ADCK1: variants seen among roughly 807,000 people sequenced by gnomAD.
ADCK1 encodes aarF domain-containing protein kinase 1.
In ADCK1, 41 loss-of-function variants were observed where a neutral mutation model predicts 52.3. The observed-to-expected ratio is 0.78, with a 90% confidence interval of 0.61 to 1.02. ADCK1 has a LOEUF of 1.02. Ranked by LOEUF, ADCK1 falls within the 50% of genes least tolerant of loss-of-function variation. The probability of loss-of-function intolerance (pLI) is 0.00; values close to 1 mark genes in which losing one functional copy is unlikely to be tolerated. For synonymous variants in ADCK1, 250 were observed against 274.6 expected (o/e 0.91, Z 0.89); for missense variants, 658 against 679.5 (o/e 0.97, Z 0.35).
chr14:77,883,949 C>A (rs2140198907), intron 4 of ADCK1, among the ~76,000 whole-genome samples: 1 of 152,156 alleles, frequency 6.6e-6, no homozygotes, highest in East Asian at 1.9e-4. Flanking sequence ...ATGTGGTGGA[C>A]CAGGCTTCCT....
At chr14:77,913,825 C>T (rs4533193) in intron 7 of ADCK1, among the ~76,000 whole-genome samples, 23,673 of 151,960 alleles carry the variant, frequency 0.16, 2,198 homozygotes, top group African/African-American at 0.24. Context: ...AGAAGGGACA[C>T]CAGCCTGGCT....
chr14:77,819,860 C>T (rs1013817792), intron 2 of ADCK1, among the ~76,000 whole-genome samples: 1 of 152,304 alleles, frequency 6.6e-6, no homozygotes, highest in Middle Eastern at 3.4e-3. Flanking sequence ...ATCTGATGCA[C>T]AGTCTATTGT....
chr14:77,846,994 T>A (rs900515169), intron 3 of ADCK1, among the ~76,000 whole-genome samples: 1 of 152,076 alleles, frequency 6.6e-6, no homozygotes, highest in Non-Finnish European at 1.5e-5. Flanking sequence ...GGCAGTAACA[T>A]CACTTGTGAG....
chr14:77,899,537 A>G (rs936288044), intron 6 of ADCK1, among the ~76,000 whole-genome samples: 2 of 152,232 alleles, frequency 1.3e-5, no homozygotes, highest in African/African-American at 4.8e-5. Context: ...CCAAGAACCT[A>G]TATGCCGTGG....
At chr14:77,857,628 A>G (rs773851788) in intron 3 of ADCK1, among the ~76,000 whole-genome samples, 3 of 152,220 alleles carry the variant, frequency 2.0e-5, no homozygotes, top group Admixed American at 1.3e-4. Context: ...AAAAACGAAA[A>G]CAAAAAAACT....
chr14:77,824,768 C>T (rs1370448837), intron 3 of ADCK1, among the ~76,000 whole-genome samples: 1 of 152,116 alleles, frequency 6.6e-6, no homozygotes, highest in Admixed American at 6.6e-5. Context: ...TTGTTCAAAT[C>T]TGGATCAAAA....
chr14:77,855,554 C>T (rs1223452612), intron 3 of ADCK1, among the ~76,000 whole-genome samples: 1 of 152,176 alleles, frequency 6.6e-6, no homozygotes, highest in Non-Finnish European at 1.5e-5. Flanking sequence ...CAAACTGCAA[C>T]TTGTTTTTTC....
At chr14:77,895,793 G>A (rs2083396538) in intron 5 of ADCK1, among the ~76,000 whole-genome samples, 1 of 152,098 alleles carries the variant, frequency 6.6e-6, no homozygotes, top group Non-Finnish European at 1.5e-5. Context: ...TGAATTTCAA[G>A]GGGTTGGTGA....
intron 5 of ADCK1, among the ~76,000 whole-genome samples, chr14:77,888,409 G>A (rs1174278291): frequency 6.6e-6 from 1 of 152,182 alleles, no homozygotes; most frequent in Admixed American, 6.5e-5. Context: ...GTGGATCTGA[G>A]CAGATCTGAT....
chr14:77,897,183 T>C (rs2083429129), intron 5 of ADCK1, among the ~76,000 whole-genome samples: 1 of 152,224 alleles, frequency 6.6e-6, no homozygotes, highest in African/African-American at 2.4e-5. Context: ...TAGAGATGGT[T>C]GTTCTCAGAT....
intron 1 of ADCK1, among the ~76,000 whole-genome samples, chr14:77,816,799 T>TG (rs1336242959): frequency 6.7e-6 from 1 of 149,216 alleles, no homozygotes; most frequent in African/African-American, 2.5e-5. Context: ...ACTGATGTTG[T>TG]GGGGGGAAGT....
At chr14:77,827,162 G>C (rs999026578) in intron 3 of ADCK1, among the ~76,000 whole-genome samples, 2 of 147,888 alleles carry the variant, frequency 1.4e-5, no homozygotes, top group Non-Finnish European at 3.0e-5. Context: ...GACCATCCTG[G>C]CCAACATGGT....
rs1323668757 is a variant in ADCK1 at position 77,924,469 on chromosome 14, C to G, written c.871C>G (p.Leu291Val). ...KIDVNEISRH[L>V]GKMYSEMIFV... ...TCTTCTCTTTCAGATCTCACGCCAC[C>G]TGGGCAAGATGTATAGTGAGATGAT... Residue 291 changes from leucine (L) to valine (V), a missense_variant, in exon 8 of 11, where the codon CTG becomes GTG. Physicochemically the swap from Leu to Val is conservative, Grantham distance 32 (BLOSUM62 1). Transcript: ENST00000238561. 6.2e-7 allele frequency: 1 copy of G among 1,614,074 alleles called. No homozygotes were observed. Among genetic ancestry groups the G allele is most frequent in the East Asian group, 2.2e-5 (1 of 44,880 alleles).
At chr14:77,830,982 C>A (rs1483142127) in intron 3 of ADCK1, among the ~76,000 whole-genome samples, 2 of 152,126 alleles carry the variant, frequency 1.3e-5, no homozygotes, top group East Asian at 1.9e-4. Flanking sequence ...AGATGCAGGA[C>A]CCTGCCAGGT....
chr14:77,865,188 C>T (rs2082637383), intron 4 of ADCK1, among the ~76,000 whole-genome samples: 1 of 151,676 alleles, frequency 6.6e-6, no homozygotes, highest in South Asian at 2.1e-4. Context: ...CCTAAAAATA[C>T]CCTCACACAG....
At chr14:77,854,874 T>C (rs777738316) in intron 3 of ADCK1, among the ~76,000 whole-genome samples, 3 of 152,186 alleles carry the variant, frequency 2.0e-5, no homozygotes, top group Admixed American at 6.5e-5. Flanking sequence ...GCTTTTCATA[T>C]GCAAATCAAC....
Position 77,858,994 on chromosome 14 carries a change from G to A in ADCK1, c.220-82G>A, listed in dbSNP as rs2082483753. 3.0e-6 allele frequency: 4 copies of A among 1,339,918 alleles called. No homozygotes were observed. In the East Asian group the frequency reaches 7.0e-5, roughly 24 times the overall value. The allele number at this position is 1,339,918 out of a possible 1,614,324, so 83.0% of individuals were successfully genotyped here. ...ATTGTGGGGTAATGAGGGTTTTCAA[G>A]CAGAGCAGGAAGGTGAAGGGAACAA... On this transcript the variant is annotated intron_variant, in intron 3 of 10. Transcript: ENST00000238561.
intron 3 of ADCK1, among the ~76,000 whole-genome samples, chr14:77,826,138 C>T (rs764262781): frequency 5.9e-5 from 9 of 152,142 alleles, no homozygotes; most frequent in South Asian, 2.1e-4. Flanking sequence ...CAGCACGTGG[C>T]GGCTGGCACC....
rs2084405682 is a variant in ADCK1 at position 77,934,238 on chromosome 14, T to G, written c.*847T>G. 1 of 151,884 alleles carries G rather than the reference T, an allele frequency of 6.6e-6. No individual in the cohort carries two copies. Among genetic ancestry groups the G allele is most frequent in the African/African-American group, 2.4e-5 (1 of 41,276 alleles). 9.4% of individuals were successfully genotyped at this position (151,884 alleles called of 1,614,324 possible). A position where few individuals can be genotyped will look rare whatever the true frequency, so the allele number is the denominator to read the frequency against. ...TTGCTCCTGTAATCCTTCCAACCTG[T>G]GGGGCCACTTCCACTATGGGGCCAC... On this transcript the variant is annotated 3_prime_UTR_variant, in exon 11 of 11. Transcript: ENST00000238561.
Sources: allele counts gnomAD v4.1 joint callset (sites outside exome capture counted in the v4.1 genomes callset), GRCh38; gene constraint gnomAD v4.1.1; transcripts MANE v1.5; gene names NCBI Gene and HGNC (gene_info 2026-07-23, HGNC 2026-07-21).